The following DGKB variants were observed in gnomAD, a reference collection of about 807,000 sequenced individuals.
The protein encoded by DGKB is 90 kDa diacylglycerol kinase.
In DGKB, 67 loss-of-function variants were observed where a neutral mutation model predicts 114.3. That is an observed-to-expected ratio of 0.59 (90% CI 0.48 to 0.72). DGKB has a LOEUF of 0.72. Among genes scored for constraint, DGKB ranks in the 30% least tolerant of loss-of-function variants. DGKB has a pLI of 0.00. For missense variants in DGKB, 907 were observed against 975.2 expected, an observed-to-expected ratio of 0.93 and a Z score of 0.93; for synonymous variants, 398 against 323.1, an observed-to-expected ratio of 1.23 and a Z score of -2.49.
At chr7:14,972,185 T>C (rs1787508780) in intron 1 of DGKB, among the ~76,000 whole-genome samples, 1 of 152,178 alleles carries the variant, frequency 6.6e-6, no homozygotes, top group African/African-American at 2.4e-5. Context: ...TTTCACCATG[T>C]ATTGCAAATA....
chr7:14,858,577 G>C (rs1327718481), intron 1 of DGKB, among the ~76,000 whole-genome samples: 1 of 152,142 alleles, frequency 6.6e-6, no homozygotes, highest in Non-Finnish European at 1.5e-5. Context: ...AGCTTCAAAG[G>C]GTTATGCAGT....
At chr7:14,915,310 C>T (rs1365123264) in intron 1 of DGKB, among the ~76,000 whole-genome samples, 8 of 152,192 alleles carry the variant, frequency 5.3e-5, no homozygotes, top group South Asian at 2.1e-4. Context: ...CCCAGGAATT[C>T]GAGGCTTCAG....
rs539710992 is a variant in DGKB at position 14,944,890 on chromosome 7, C to T, written c.-188+29806G>A. ...GTATATCATAAGGTAATATTAGAAG[C>T]ATAAATCTTAGAATCAGAATAATTT... On this transcript the variant is annotated intron_variant, in intron 1 of 4. Coordinates refer to the DGKB transcript ENST00000437998. 7.3e-5 allele frequency among the ~76,000 whole-genome samples: 11 copies of T among 151,658 alleles called. No homozygotes were observed. The South Asian group carries it at 8.3e-4, about 11-fold the overall frequency.
intron 2 of DGKB, among the ~76,000 whole-genome samples, chr7:14,832,908 C>T (rs1030334013): frequency 2.0e-5 from 3 of 152,084 alleles, no homozygotes; most frequent in Admixed American, 1.3e-4. Context: ...TTCCAAGTAT[C>T]GAATTTATAT....
At chr7:14,255,075 A>G (rs1035355048) in intron 23 of DGKB, among the ~76,000 whole-genome samples, 2 of 152,172 alleles carry the variant, frequency 1.3e-5, no homozygotes, top group Admixed American at 1.3e-4. Context: ...ATAAGTTATG[A>G]AAAAAAGACA....
intron 8 of DGKB, among the ~76,000 whole-genome samples, chr7:14,696,763 C>T (rs936676195): frequency 2.0e-5 from 3 of 152,154 alleles, no homozygotes; most frequent in Non-Finnish European, 1.5e-5. Flanking sequence ...TATTATTCCA[C>T]ATACAAATGA....
chr7:14,821,122 T>C (rs1348624591), intron 2 of DGKB, among the ~76,000 whole-genome samples: 2 of 152,152 alleles, frequency 1.3e-5, no homozygotes, highest in African/African-American at 2.4e-5. Flanking sequence ...CTAAAAAGGG[T>C]AAAATCTTAA....
chr7:14,666,973 C>G (rs1184170209), intron 13 of DGKB, among the ~76,000 whole-genome samples: 1 of 151,830 alleles, frequency 6.6e-6, no homozygotes, highest in Non-Finnish European at 1.5e-5. Flanking sequence ...AATGAAAACA[C>G]CATATGATAA....
At chr7:14,845,265 T>C (rs1024455206) in intron 1 of DGKB, among the ~76,000 whole-genome samples, 2 of 152,162 alleles carry the variant, frequency 1.3e-5, no homozygotes, top group Non-Finnish European at 2.9e-5. Context: ...AAGGCTCACC[T>C]GGTTATTGAA....
rs143148869 is a variant in DGKB at position 14,741,000 on chromosome 7, C to T, written c.169-4806G>A. On this transcript the variant is annotated intron_variant, in intron 4 of 25. Coordinates refer to ENST00000402815, the MANE Select transcript of DGKB (RefSeq NM_001350709.2). Reference sequence around the variant, plus strand: ...TCCTCTTTCTAGATGAGTAGCCATTCGTCTTCAGTCTGTGCACCTTACAGA... The same window carrying T: ...TCCTCTTTCTAGATGAGTAGCCATTTGTCTTCAGTCTGTGCACCTTACAGA... Among the ~76,000 whole-genome samples the T allele has an allele frequency of 7.4e-3, 1,120 of 152,224 alleles. 11 individuals carry two copies. Among genetic ancestry groups the T allele is most frequent in the Non-Finnish European group, 0.013 (865 of 68,014 alleles).
At chr7:14,761,224 G>A (rs1240112278) in intron 2 of DGKB, among the ~76,000 whole-genome samples, 3 of 152,110 alleles carry the variant, frequency 2.0e-5, no homozygotes, top group Non-Finnish European at 4.4e-5. Context: ...CTCTAAGGCT[G>A]AGGCCCTGAT....
At chr7:14,174,713 C>G (rs995581036) in intron 25 of DGKB, among the ~76,000 whole-genome samples, 2 of 152,160 alleles carry the variant, frequency 1.3e-5, no homozygotes, top group African/African-American at 2.4e-5. Flanking sequence ...ACGGTAGCAG[C>G]TATTACCCCC....
At chr7:14,368,940 T>C (rs1817162716) in intron 21 of DGKB, among the ~76,000 whole-genome samples, 1 of 151,838 alleles carries the variant, frequency 6.6e-6, no homozygotes, top group African/African-American at 2.4e-5. Flanking sequence ...TTGTTTTTGT[T>C]TTTCAATTTC....
chr7:14,965,530 T>C (rs1787098289), intron 1 of DGKB, among the ~76,000 whole-genome samples: 1 of 152,124 alleles, frequency 6.6e-6, no homozygotes, highest in Non-Finnish European at 1.5e-5. Flanking sequence ...TTTTAGAATA[T>C]TAAACAAAAC....
intron 1 of DGKB, among the ~76,000 whole-genome samples, chr7:14,946,421 T>G (rs1312279483): frequency 1.3e-5 from 2 of 151,766 alleles, no homozygotes; most frequent in Non-Finnish European, 3.0e-5. Flanking sequence ...TATATTTCTT[T>G]GCATCGTAAT....
At chr7:14,179,945 T>A (rs1782389788) in intron 23 of DGKB, among the ~76,000 whole-genome samples, 1 of 152,166 alleles carries the variant, frequency 6.6e-6, no homozygotes, top group South Asian at 2.1e-4. Context: ...CAAGAACAGA[T>A]GGACAAGGAA....
rs1452686512 is a variant in DGKB at position 14,695,492 on chromosome 7, C to CTTTTTTTTTT, written c.592-1299_592-1298insAAAAAAAAAA. On this transcript the variant is annotated intron_variant, in intron 8 of 25. Coordinates refer to ENST00000402815, the MANE Select transcript of DGKB (RefSeq NM_001350709.2). ...CAAATGTTCATTTCTCTCTCTCTCT[C>CTTTTTTTTTT]TCTTTTTTTTTTTTTTTTTTTTTTT... Among the ~76,000 whole-genome samples the CTTTTTTTTTT allele has an allele frequency of 1.0e-3, 76 of 73,362 alleles. 2 individuals carry two copies. The highest frequency in any genetic ancestry group is 4.3e-3 in the African/African-American group (72 of 16,774). The allele number at this position is 73,362 out of a possible 152,430, so 48.1% of individuals were successfully genotyped here.
chr7:14,611,859 A>C (rs1469545999), intron 16 of DGKB, among the ~76,000 whole-genome samples: 1 of 151,774 alleles, frequency 6.6e-6, no homozygotes. Flanking sequence ...TTTTCTCTTC[A>C]AACTTCAATA....
rs116236781 is a variant in DGKB, at chr7:14,308,919, G to A, written c.2122+29596C>T. 1.9e-3 allele frequency among the ~76,000 whole-genome samples: 290 copies of A among 152,202 alleles called. 1 individual carries two copies. Among genetic ancestry groups the A allele is most frequent in the African/African-American group, 6.2e-3 (258 of 41,542 alleles). On this transcript the variant is annotated intron_variant, in intron 23 of 25. Coordinates refer to ENST00000402815, the MANE Select transcript of DGKB (RefSeq NM_001350709.2). ...AAATAGTCTGAGTTTCTTCAGCTTC[G>A]AAAATGTTAAAATAGGCTGTGCATG...
Sources: gnomAD v4.1 joint callset for allele counts (sites outside exome capture counted in the v4.1 genomes callset) on GRCh38, gnomAD v4.1.1 for gene constraint, MANE v1.5 for transcripts, NCBI Gene and HGNC (gene_info 2026-07-23, HGNC 2026-07-21) for gene names.